IFT74: variants seen among roughly 807,000 people sequenced by gnomAD.
IFT74 encodes the protein intraflagellar transport 74, also known as intraflagellar transport protein 74 homolog.
IFT74 carries 92 observed loss-of-function variants against 96.7 expected under a neutral mutation model. The ratio of observed to expected loss-of-function variants is 0.95; its 90% CI spans 0.80 to 1.13. IFT74 has a LOEUF of 1.13. Among genes scored for constraint, IFT74 ranks in the 50% most tolerant of loss-of-function variants. IFT74 has a pLI of 0.00. For synonymous variants in IFT74, 223 were observed against 213.2 expected, an observed-to-expected ratio of 1.05 and a Z score of -0.40; for missense variants, 811 against 698.2, an observed-to-expected ratio of 1.16 and a Z score of -1.82.
chr9:27,004,115 A>G (rs1010087170), intron 8 of IFT74, among the ~76,000 whole-genome samples: 1 of 152,222 alleles, frequency 6.6e-6, no homozygotes, highest in African/African-American at 2.4e-5. Context: ...AAAAGTTGAT[A>G]TGAAATAGAA....
intron 10 of IFT74, among the ~76,000 whole-genome samples, chr9:27,012,636 A>C (rs1479672942): frequency 6.6e-6 from 1 of 151,536 alleles, no homozygotes; most frequent in Non-Finnish European, 1.5e-5. Context: ...TTTATTTAAA[A>C]CGCTTTATTT....
chr9:27,036,409 A>T (rs755719505), intron 13 of IFT74: 1 of 1,605,606 alleles, frequency 6.2e-7, no homozygotes, highest in East Asian at 2.2e-5. Context: ...CAATTTTGTA[A>T]TATAGTCAAT....
chr9:26,957,180 T>A (rs772523029), intron 1 of IFT74, among the ~76,000 whole-genome samples: 2 of 152,184 alleles, frequency 1.3e-5, no homozygotes, highest in African/African-American at 2.4e-5. Context: ...CCGAAGTTAG[T>A]GGTATATTTG....
chr9:26,978,010 A>G (rs963401100), intron 2 of IFT74, 118 bp from the exon 3 acceptor site: 38 of 783,684 alleles, frequency 4.8e-5, no homozygotes, highest in Non-Finnish European at 7.2e-5. Flanking sequence ...AAATAAGGAA[A>G]TTTTTACAAA....
At chr9:27,008,626 C>A (rs984696298) in intron 8 of IFT74, among the ~76,000 whole-genome samples, 89 of 152,202 alleles carry the variant, frequency 5.8e-4, no homozygotes, top group African/African-American at 2.0e-3. Flanking sequence ...TTCCAAAGTG[C>A]TGGGATTACA....
intron 2 of IFT74, among the ~76,000 whole-genome samples, chr9:26,976,162 C>T (rs1349293505): frequency 6.6e-6 from 1 of 152,106 alleles, no homozygotes; most frequent in African/African-American, 2.4e-5. Context: ...GTCTCAGTCT[C>T]CCATCCCTGA....
intron 1 of IFT74, among the ~76,000 whole-genome samples, chr9:26,959,781 G>C (rs1427064629): frequency 6.6e-6 from 1 of 152,138 alleles, no homozygotes; most frequent in African/African-American, 2.4e-5. Context: ...TAGAAAAGTA[G>C]TTAAGGGTGA....
chr9:27,009,121 A>G lies in IFT74; in HGVS notation c.689A>G (p.Tyr230Cys), dbSNP rs1563970653. 5 of 1,613,230 alleles carry G rather than the reference A, an allele frequency of 3.1e-6. No individual in the cohort carries two copies. In the South Asian group the frequency reaches 5.5e-5, roughly 18 times the overall value. ...ATGTCTTTTGAAAACCAAGTCAAGTACCTAGAGATGAAAACCACAAATGAG... is the reference window on the plus strand; with the variant it reads ...ATGTCTTTTGAAAACCAAGTCAAGTGCCTAGAGATGAAAACCACAAATGAG... ...KNMSFENQVK[Y>C]LEMKTTNEKL... The change falls in exon 9 of 20, where the codon TAC (tyrosine) becomes TGC (cysteine). Residue 230 changes from tyrosine to cysteine, a missense_variant. By Grantham distance (194) the Tyr-to-Cys change is radical. Coordinates refer to ENST00000380062, the MANE Select transcript of IFT74 (RefSeq NM_025103.4).
Position 27,009,405 on chromosome 9 carries a change from A to G in IFT74, c.726+247A>G, listed in dbSNP as rs73436056. On this transcript the variant is annotated intron_variant, in intron 9 of 19. Coordinates refer to ENST00000380062, the MANE Select transcript of IFT74 (RefSeq NM_025103.4). ...CTCTTATTATTTTTGGTTTACTTCTATTTATTCATTTTGCATTTCATAAAG... is the reference window on the plus strand; with the variant it reads ...CTCTTATTATTTTTGGTTTACTTCTGTTTATTCATTTTGCATTTCATAAAG... 5.7e-3 allele frequency among the ~76,000 whole-genome samples: 871 copies of G among 152,264 alleles called. 10 individuals are homozygous for G. Among genetic ancestry groups the G allele is most frequent in the African/African-American group, 0.02 (816 of 41,550 alleles).
chr9:27,023,671 T>C lies in IFT74; in HGVS notation c.974+4984T>C, dbSNP rs117196850. ...TGGTATTAGGGTGATACTGGCTTCATAGAATGATTTAAGGAAGATTCCCTC... is the reference window on the plus strand; with the variant it reads ...TGGTATTAGGGTGATACTGGCTTCACAGAATGATTTAAGGAAGATTCCCTC... On this transcript the variant is annotated intron_variant, in intron 12 of 19. Coordinates refer to ENST00000380062, the MANE Select transcript of IFT74 (RefSeq NM_025103.4). Among the ~76,000 whole-genome samples the C allele has an allele frequency of 3.8e-3, 579 of 152,310 alleles. 5 individuals are homozygous for C. Among genetic ancestry groups the C allele is most frequent in the Non-Finnish European group, 6.0e-3 (410 of 68,030 alleles).
intron 8 of IFT74, chr9:26,999,551 T>C: frequency 2.4e-6 from 3 of 1,238,542 alleles, no homozygotes. Flanking sequence ...TTTTATATTT[T>C]ACTAAATATA....
chr9:27,059,794 A>C (rs1307146986), intron 18 of IFT74, among the ~76,000 whole-genome samples: 1 of 152,252 alleles, frequency 6.6e-6, no homozygotes, highest in Non-Finnish European at 1.5e-5. Flanking sequence ...TGAGGATAGA[A>C]ACATTTCCAC....
At chr9:26,955,830 CTTAAA>C (rs1329068333), upstream of IFT74, 3 of 133,588 alleles carry the variant, frequency 2.2e-5, no homozygotes, top group African/African-American at 5.9e-5. Flanking sequence ...TGAAGTAGTT[CTTAAA>C]TTAAAAAAAA....
At chr9:26,983,051 T>C (rs1386466293) in intron 4 of IFT74, among the ~76,000 whole-genome samples, 2 of 152,162 alleles carry the variant, frequency 1.3e-5, no homozygotes, top group Non-Finnish European at 2.9e-5. Flanking sequence ...TCTTTCTCTT[T>C]TATTTCGCTT....
chr9:27,056,520 T>C (rs1396332980), intron 18 of IFT74, 61 bp downstream of exon 18: 4 of 1,440,126 alleles, frequency 2.8e-6, no homozygotes, highest in African/African-American at 1.5e-5. Flanking sequence ...CCCAAAACAA[T>C]CAATTTTTTA....
intron 4 of IFT74, among the ~76,000 whole-genome samples, chr9:26,982,601 G>A (rs1453394351): frequency 1.3e-5 from 2 of 151,854 alleles, no homozygotes; most frequent in Non-Finnish European, 2.9e-5. Flanking sequence ...GATTACAGGT[G>A]TGCACCACCA....
At chr9:27,015,724 T>A (rs1829306872) in intron 10 of IFT74, among the ~76,000 whole-genome samples, 1 of 152,228 alleles carries the variant, frequency 6.6e-6, no homozygotes, top group Admixed American at 6.5e-5. Flanking sequence ...CTGTTAACTC[T>A]TATGTCTTTG....
chr9:26,987,768 A>G (rs946231712), intron 6 of IFT74, among the ~76,000 whole-genome samples: 1 of 152,234 alleles, frequency 6.6e-6, no homozygotes, highest in African/African-American at 2.4e-5. Context: ...GAGTTAACAC[A>G]TATGTAATAG....
rs114207672 is a variant in IFT74, at chr9:26,998,191, A to T, written c.587+7996A>T. The T allele has an allele frequency of 2.2e-3, 3,428 of 1,548,536 alleles. 78 individuals are homozygous for T. The African/African-American group carries it at 0.043, about 19-fold the overall frequency. ...CAAGTATAGTAACATCTTTCTTGAT[A>T]TCTGCTGGAATCAAGGTATAATTTT... On this transcript the variant is annotated intron_variant, in intron 8 of 19. Coordinates refer to ENST00000380062, the MANE Select transcript of IFT74 (RefSeq NM_025103.4).
Sources: allele counts gnomAD v4.1 joint callset (sites outside exome capture counted in the v4.1 genomes callset), GRCh38; gene constraint gnomAD v4.1.1; transcripts MANE v1.5; gene names NCBI Gene and HGNC (gene_info 2026-07-23, HGNC 2026-07-21).